Variants in CACNA2D1 observed in about 807,000 individuals in gnomAD.
CACNA2D1 encodes the protein voltage-dependent calcium channel subunit alpha-2/delta-1.
Under a neutral mutation model 171.5 loss-of-function variants are expected in CACNA2D1, and 53 were observed. The observed-to-expected ratio is 0.31, with a 90% CI of 0.25 to 0.39. The LOEUF (loss-of-function observed/expected upper bound fraction) is 0.39, where lower values mean the gene tolerates loss of function less well. Among genes scored for constraint, CACNA2D1 ranks in the 10% least tolerant of loss-of-function variants. The pLI is 1.00. For missense variants in CACNA2D1, 903 were observed against 1,299.8 expected, an observed-to-expected ratio of 0.69 and a Z score of 4.69; for synonymous variants, 442 against 443.1, an observed-to-expected ratio of 1.00 and a Z score of 0.03.
intron 3 of CACNA2D1, among the ~76,000 whole-genome samples, chr7:82,270,118 TCTAA>T (rs938563168): frequency 2.0e-5 from 3 of 152,158 alleles, no homozygotes; most frequent in Non-Finnish European, 4.4e-5. Context: ...TGGCTTTCTA[TCTAA>T]CTAAATTCTT....
chr7:82,272,348 A>G (rs193137947), intron 3 of CACNA2D1, among the ~76,000 whole-genome samples: 38 of 152,322 alleles, frequency 2.5e-4, no homozygotes, highest in Admixed American at 7.2e-4. Flanking sequence ...CTAATATGCC[A>G]GTGAGAAGCT....
intron 3 of CACNA2D1, among the ~76,000 whole-genome samples, chr7:82,308,004 C>G (rs1813946506): frequency 6.6e-6 from 1 of 152,134 alleles, no homozygotes; most frequent in African/African-American, 2.4e-5. Flanking sequence ...CTGTTTCTCC[C>G]ACAGGAATCT....
intron 8 of CACNA2D1, 94 bp from the exon 9 acceptor site, chr7:82,064,448 T>C (rs978458931): frequency 5.4e-6 from 5 of 925,572 alleles, no homozygotes; most frequent in Non-Finnish European, 8.7e-6. Flanking sequence ...AGACAAGGTT[T>C]TTTTCCCCAA....
At chr7:82,022,968 C>A (rs1584448816) in intron 12 of CACNA2D1, among the ~76,000 whole-genome samples, 1 of 151,550 alleles carries the variant, frequency 6.6e-6, no homozygotes, top group East Asian at 1.9e-4. Flanking sequence ...TAAATTAATT[C>A]TGAGAATTAA....
intron 18 of CACNA2D1, among the ~76,000 whole-genome samples, chr7:82,003,808 G>A (rs1160752860): frequency 2.0e-5 from 3 of 149,698 alleles, no homozygotes; most frequent in Non-Finnish European, 4.4e-5. Flanking sequence ...GCAATGGCGT[G>A]GTCTCGGCTC....
At chr7:82,079,170 A>AT (rs951628584) in intron 7 of CACNA2D1, among the ~76,000 whole-genome samples, 1 of 152,212 alleles carries the variant, frequency 6.6e-6, no homozygotes, top group Non-Finnish European at 1.5e-5. Context: ...AATGAAAATC[A>AT]TGAGAGTACT....
intron 1 of CACNA2D1, among the ~76,000 whole-genome samples, chr7:82,362,321 G>T (rs898968979): frequency 4.6e-5 from 7 of 152,180 alleles, no homozygotes; most frequent in African/African-American, 9.6e-5. Flanking sequence ...TTTTAAAATG[G>T]ACCACCCTGT....
intron 3 of CACNA2D1, among the ~76,000 whole-genome samples, chr7:82,211,956 G>C (rs997775689): frequency 6.6e-6 from 1 of 152,210 alleles, no homozygotes; most frequent in Middle Eastern, 3.4e-3. Context: ...CCTCATCGTG[G>C]TTTTGTTTGC....
intron 5 of CACNA2D1, among the ~76,000 whole-genome samples, chr7:82,123,130 G>T (rs987379149): frequency 6.6e-6 from 1 of 152,100 alleles, no homozygotes; most frequent in Non-Finnish European, 1.5e-5. Flanking sequence ...AAATATATCA[G>T]GACAGGCTTG....
At chr7:82,333,216 C>A (rs1278248730) in intron 3 of CACNA2D1, among the ~76,000 whole-genome samples, 1 of 151,810 alleles carries the variant, frequency 6.6e-6, no homozygotes, top group Non-Finnish European at 1.5e-5. Context: ...AATCAAAATC[C>A]CAGTAGACAT....
chr7:81,960,235 C>T (rs1276228115), intron 36 of CACNA2D1, among the ~76,000 whole-genome samples: 2 of 152,058 alleles, frequency 1.3e-5, no homozygotes, highest in South Asian at 2.1e-4. Flanking sequence ...CTTGCCCAAC[C>T]TAAGGGCAGA....
rs79517271 is a variant in CACNA2D1, at chr7:82,258,178, C to T, written c.294+76957G>A. 3.8e-3 allele frequency among the ~76,000 whole-genome samples: 583 copies of T among 152,238 alleles called. 3 individuals carry two copies. Among genetic ancestry groups the T allele is most frequent in the Non-Finnish European group, 6.6e-3 (452 of 68,014 alleles). On this transcript the variant is annotated intron_variant, in intron 3 of 38. Coordinates refer to ENST00000356860, the MANE Select transcript of CACNA2D1 (RefSeq NM_000722.4). ...GAATGAATCCAGCACTCCACTCTTA[C>T]GCCTAAAGTAAATCAAATACTATCC...
chr7:82,400,766 G>A (rs372429483), intron 1 of CACNA2D1, among the ~76,000 whole-genome samples: 4,352 of 150,884 alleles, frequency 0.029, 142 homozygotes, highest in East Asian at 0.12. Flanking sequence ...GAGTGAACAG[G>A]CAACCTACAA....
intron 6 of CACNA2D1, among the ~76,000 whole-genome samples, chr7:82,095,570 A>G (rs1003828881): frequency 6.6e-6 from 1 of 152,192 alleles, no homozygotes; most frequent in Non-Finnish European, 1.5e-5. Context: ...TACAATAGCT[A>G]GGGTTGTGAA....
intron 3 of CACNA2D1, among the ~76,000 whole-genome samples, chr7:82,302,605 G>T (rs1813164961): frequency 6.6e-6 from 1 of 151,904 alleles, no homozygotes; most frequent in Non-Finnish European, 1.5e-5. Flanking sequence ...TAGAGATAGG[G>T]TTCCTCCATG....
At chr7:82,050,966 A>G (rs1805129928) in intron 10 of CACNA2D1, 4 of 274,060 alleles carry the variant, frequency 1.5e-5, no homozygotes, top group Non-Finnish European at 2.9e-5. Context: ...TCCATCTAAG[A>G]GACAGGGTTG....
intron 3 of CACNA2D1, among the ~76,000 whole-genome samples, chr7:82,278,408 A>G (rs901553538): frequency 2.6e-5 from 4 of 152,000 alleles, no homozygotes; most frequent in African/African-American, 9.7e-5. Flanking sequence ...GCAAAACCCC[A>G]TAACTAATAA....
intron 30 of CACNA2D1, among the ~76,000 whole-genome samples, 162 bp from the exon 31 acceptor site, chr7:81,967,369 T>C (rs1050087159): frequency 1.3e-5 from 2 of 151,514 alleles, no homozygotes; most frequent in African/African-American, 4.8e-5. Flanking sequence ...TATTAGACAA[T>C]GTCAATCAAT....
At chr7:82,081,871 G>C (rs963795739) in intron 7 of CACNA2D1, among the ~76,000 whole-genome samples, 1 of 152,186 alleles carries the variant, frequency 6.6e-6, no homozygotes, top group Non-Finnish European at 1.5e-5. Context: ...GTGTGAGCAA[G>C]TGAGTGCAGG....
Sources: allele counts gnomAD v4.1 joint callset (sites outside exome capture counted in the v4.1 genomes callset), GRCh38; gene constraint gnomAD v4.1.1; transcripts MANE v1.5; gene names NCBI Gene and HGNC (gene_info 2026-07-23, HGNC 2026-07-21).